Variants in ME2 observed in about 807,000 individuals in gnomAD.
The protein encoded by ME2 is NAD-dependent malic enzyme, mitochondrial.
In ME2, 60 loss-of-function variants were observed where a neutral mutation model predicts 73.7. That is an observed-to-expected ratio of 0.81 (90% CI 0.66 to 1.01). The LOEUF (loss-of-function observed/expected upper bound fraction) is 1.01, where lower values mean the gene tolerates loss of function less well. Among genes scored for constraint, ME2 ranks in the 50% least tolerant of loss-of-function variants. The probability of loss-of-function intolerance (pLI) is 0.00; values close to 1 mark genes in which losing one functional copy is unlikely to be tolerated. For missense variants in ME2, 594 were observed against 705.5 expected (o/e 0.84, Z 1.79); for synonymous variants, 199 against 236.9 (o/e 0.84, Z 1.47).
intron 1 of ME2, among the ~76,000 whole-genome samples, chr18:50,880,505 G>C (rs1203229782): frequency 6.6e-6 from 1 of 152,148 alleles, no homozygotes; most frequent in African/African-American, 2.4e-5. Flanking sequence ...CATACATATA[G>C]GCCGTTCGCG....
In ME2 at chr18:50,949,783, A is replaced by AT. The variant is rs1265302467; in HGVS notation, c.*2606dup. 1 of 152,156 alleles carries AT rather than the reference A, an allele frequency of 6.6e-6. No homozygotes were observed. Among genetic ancestry groups the AT allele is most frequent in the Non-Finnish European group, 1.5e-5 (1 of 68,018 alleles). 9.4% of individuals were successfully genotyped at this position (152,156 alleles called of 1,614,324 possible). On this transcript the variant is annotated 3_prime_UTR_variant, in exon 16 of 16. Coordinates refer to ENST00000321341, the MANE Select transcript of ME2 (RefSeq NM_002396.5). ...TAGCCTGCTTAAATAAAATAATTCT[A>AT]TTTTTTTAAAAAGCTCCCAATTGTC...
chr18:50,891,127 CTG>C (rs531809551), intron 1 of ME2, among the ~76,000 whole-genome samples: 42 of 152,292 alleles, frequency 2.8e-4, no homozygotes, highest in South Asian at 6.2e-4. Flanking sequence ...GTAGAAGAAA[CTG>C]TGTAAATCTA....
chr18:50,917,034 C>G, intron 5 of ME2: 2 of 189,028 alleles, frequency 1.1e-5, no homozygotes, highest in East Asian at 2.5e-4. Flanking sequence ...ATGGTAATCT[C>G]TCCATCAGAA....
chr18:50,918,265 G>T (rs766370192), intron 7 of ME2, 52 bp downstream of exon 7: 1 of 1,197,636 alleles, frequency 8.3e-7, no homozygotes, highest in Non-Finnish European at 1.2e-6. Flanking sequence ...GGGTGGGTGG[G>T]GTAAGAACCA....
intron 4 of ME2, among the ~76,000 whole-genome samples, chr18:50,913,945 T>C (rs1568166687): frequency 6.6e-6 from 1 of 151,958 alleles, no homozygotes; most frequent in Admixed American, 6.6e-5. Context: ...CATTATTATT[T>C]TTCTCAATCC....
chr18:50,936,012 A>G (rs1039365777), intron 13 of ME2, among the ~76,000 whole-genome samples: 1 of 152,184 alleles, frequency 6.6e-6, no homozygotes, highest in African/African-American at 2.4e-5. Flanking sequence ...TTGACAATCA[A>G]TATTCAAAAA....
At chr18:50,900,508 T>G (rs924452924) in intron 2 of ME2, among the ~76,000 whole-genome samples, 3 of 151,946 alleles carry the variant, frequency 2.0e-5, no homozygotes, top group African/African-American at 7.3e-5. Context: ...GGTCGCGATC[T>G]GCTGACCTCG....
At chr18:50,913,416 C>A (rs1312920851) in intron 4 of ME2, 1 of 152,860 alleles carries the variant, frequency 6.5e-6, no homozygotes, top group East Asian at 1.9e-4. Flanking sequence ...TCACTGCAAC[C>A]TCTGCCTCCC....
rs1171397474 is a variant in ME2, at chr18:50,947,329, A to G, written c.*145A>G. 7 of 722,742 alleles carry G rather than the reference A, an allele frequency of 9.7e-6. No homozygotes were observed. Among genetic ancestry groups the G allele is most frequent in the Non-Finnish European group, 1.6e-5 (7 of 440,298 alleles). 44.8% of individuals were successfully genotyped at this position (722,742 alleles called of 1,614,324 possible). On this transcript the variant is annotated 3_prime_UTR_variant, in exon 16 of 16. Transcript: ENST00000321341. ...TGATGTATTTTTTCCATGCGTCTCC[A>G]CATCTGTTGGGGTAGACGTGTTGAT... is the stretch of plus-strand genomic sequence containing the variant.
intron 7 of ME2, among the ~76,000 whole-genome samples, chr18:50,918,850 C>T (rs1183831485): frequency 6.6e-6 from 1 of 152,160 alleles, no homozygotes; most frequent in Non-Finnish European, 1.5e-5. Context: ...TGTAGTTCCA[C>T]TGCTCTTGTG....
At chr18:50,885,182 C>T (rs968994925) in intron 1 of ME2, among the ~76,000 whole-genome samples, 1 of 152,144 alleles carries the variant, frequency 6.6e-6, no homozygotes, top group Non-Finnish European at 1.5e-5. Flanking sequence ...GTAAATAATG[C>T]TATCTCTCCT....
chr18:50,926,668 T>G (rs767970143), intron 12 of ME2, among the ~76,000 whole-genome samples: 11 of 152,236 alleles, frequency 7.2e-5, no homozygotes, highest in Non-Finnish European at 1.3e-4. Flanking sequence ...ATTTATCTTT[T>G]ACACTGTTTT....
intron 15 of ME2, among the ~76,000 whole-genome samples, chr18:50,943,912 T>G (rs1039829951): frequency 4.6e-5 from 7 of 152,084 alleles, no homozygotes; most frequent in African/African-American, 1.7e-4. Flanking sequence ...TTGGAAGATA[T>G]TAGTCAGTTA....
At position 50,917,478 on chromosome 18, in the gene ME2, A is replaced by G. The variant is rs1917311991; in HGVS notation, c.600A>G (p.Pro200=). 2.5e-6 allele frequency: 4 copies of G among 1,613,054 alleles called. No homozygotes were observed. Among genetic ancestry groups the G allele is most frequent in the East Asian group, 2.2e-5 (1 of 44,858 alleles). The change falls in exon 6 of 16, where the codon CCA becomes CCG. Residue 200 remains proline, a synonymous_variant. Transcript: ENST00000321341. ...GAATACGGCCTGATAGATGCCTGCC[A>G]GTGTGTATTGATGTGGGAACTGATA... ...CAGIRPDRCL[P]VCIDVGTDNI...
At chr18:50,903,410 G>A (rs1004375212) in intron 2 of ME2, among the ~76,000 whole-genome samples, 26 of 152,178 alleles carry the variant, frequency 1.7e-4, no homozygotes, top group Non-Finnish European at 3.2e-4. Context: ...GTGCAGCCTT[G>A]TGTAGTCAAC....
chr18:50,887,995 A>C (rs2144183603), intron 1 of ME2, among the ~76,000 whole-genome samples: 1 of 152,358 alleles, frequency 6.6e-6, no homozygotes, highest in Admixed American at 6.5e-5. Context: ...GGAATATCAG[A>C]AATAGATAAC....
intron 1 of ME2, among the ~76,000 whole-genome samples, chr18:50,892,894 G>A (rs1175150523): frequency 6.6e-6 from 1 of 152,052 alleles, no homozygotes; most frequent in African/African-American, 2.4e-5. Context: ...GGGAGGCCGA[G>A]GTGGGCGGAT....
chr18:50,905,074 C>T (rs946052638), intron 2 of ME2, among the ~76,000 whole-genome samples: 5 of 152,060 alleles, frequency 3.3e-5, no homozygotes, highest in Admixed American at 1.3e-4. Context: ...GCAGCCTCCG[C>T]CTCCCGGGTT....
intron 1 of ME2, among the ~76,000 whole-genome samples, chr18:50,887,031 T>TCC (rs1294037660): frequency 6.6e-6 from 1 of 152,110 alleles, no homozygotes; most frequent in African/African-American, 2.4e-5. Context: ...TCTGATGGTG[T>TCC]AAGTTTCACA....
Sources: allele counts gnomAD v4.1 joint callset (sites outside exome capture counted in the v4.1 genomes callset), GRCh38; gene constraint gnomAD v4.1.1; transcripts MANE v1.5; gene names NCBI Gene and HGNC (gene_info 2026-07-23, HGNC 2026-07-21).